The following KIAA0825 variants were observed in gnomAD, a reference collection of about 807,000 sequenced individuals.
KIAA0825 encodes uncharacterized protein KIAA0825.
A neutral mutation model predicts 147.6 loss-of-function variants in KIAA0825; 119 were observed. The ratio of observed to expected loss-of-function variants is 0.81; its 90% CI spans 0.69 to 0.94. The LOEUF is 0.94. KIAA0825 is among the 40% of genes least tolerant of loss of function. KIAA0825 has a pLI of 0.00. For missense variants in KIAA0825, 1,381 were observed against 1,472.7 expected (o/e 0.94, Z 1.02); for synonymous variants, 470 against 518.1 (o/e 0.91, Z 1.26).
intron 15 of KIAA0825, among the ~76,000 whole-genome samples, chr5:94,412,030 T>G (rs1018779705): frequency 5.9e-5 from 9 of 151,916 alleles, no homozygotes; most frequent in Non-Finnish European, 1.0e-4. Flanking sequence ...AATGAAAAAG[T>G]AAGCCATAGA....
chr5:94,566,064 A>G (rs972242384), intron 2 of KIAA0825, among the ~76,000 whole-genome samples: 3 of 152,168 alleles, frequency 2.0e-5, no homozygotes, highest in African/African-American at 7.2e-5. Context: ...ACTTAGTGTA[A>G]TGTCCTCCAG....
At chr5:94,438,883 C>G (rs1205049734) in intron 14 of KIAA0825, among the ~76,000 whole-genome samples, 1 of 152,172 alleles carries the variant, frequency 6.6e-6, no homozygotes, top group Non-Finnish European at 1.5e-5. Context: ...TAAGGCAGTG[C>G]ATGCTAAGGG....
chr5:94,340,946 G>A (rs1782304673), intron 20 of KIAA0825, among the ~76,000 whole-genome samples: 1 of 152,216 alleles, frequency 6.6e-6, no homozygotes, highest in South Asian at 2.1e-4. Context: ...GGTCTTCATA[G>A]ACCTACATAT....
intron 20 of KIAA0825, among the ~76,000 whole-genome samples, chr5:94,161,779 TC>T (rs1300726479): frequency 6.6e-6 from 1 of 152,216 alleles, no homozygotes; most frequent in African/African-American, 2.4e-5. Flanking sequence ...TTTATGAGCC[TC>T]AGGAATGTTT....
chr5:94,293,511 G>C (rs997946305), intron 20 of KIAA0825, among the ~76,000 whole-genome samples: 18 of 152,154 alleles, frequency 1.2e-4, no homozygotes, highest in African/African-American at 4.1e-4. Context: ...TGCATTTGCT[G>C]AGGAGTGTTT....
chr5:94,209,245 T>C (rs1772483547), intron 20 of KIAA0825, among the ~76,000 whole-genome samples: 1 of 152,214 alleles, frequency 6.6e-6, no homozygotes, highest in Non-Finnish European at 1.5e-5. Flanking sequence ...ATGAGCTTTT[T>C]AAAGAAAACC....
chr5:94,225,576 T>A (rs1044853935), intron 20 of KIAA0825, among the ~76,000 whole-genome samples: 1 of 152,336 alleles, frequency 6.6e-6, no homozygotes, highest in Non-Finnish European at 1.5e-5. Flanking sequence ...ATGAGTTTGC[T>A]GTCTCTGCTC....
intron 20 of KIAA0825, among the ~76,000 whole-genome samples, chr5:94,191,113 T>TA (rs1320799190): frequency 6.6e-6 from 1 of 152,220 alleles, no homozygotes; most frequent in Non-Finnish European, 1.5e-5. Flanking sequence ...ATCATTTGCT[T>TA]AAAATCACAT....
chr5:94,532,811 A>T (rs549999275), intron 3 of KIAA0825, among the ~76,000 whole-genome samples: 1 of 149,902 alleles, frequency 6.7e-6, no homozygotes, highest in South Asian at 2.1e-4. Flanking sequence ...TTGAGATTAC[A>T]TCTTTCTTTA....
At chr5:94,276,464 C>A (rs1777226212) in intron 20 of KIAA0825, among the ~76,000 whole-genome samples, 1 of 152,006 alleles carries the variant, frequency 6.6e-6, no homozygotes, top group Non-Finnish European at 1.5e-5. Flanking sequence ...CCATTCATTA[C>A]AAGAAGCCAG....
At chr5:94,497,867 C>T (rs1044168498) in intron 5 of KIAA0825, among the ~76,000 whole-genome samples, 3 of 152,210 alleles carry the variant, frequency 2.0e-5, no homozygotes, top group Non-Finnish European at 4.4e-5. Flanking sequence ...GATTTAGAAA[C>T]CACACTCTGA....
Position 94,618,560 on chromosome 5 carries a change from C to A in KIAA0825, c.-213G>T, listed in dbSNP as rs569457591. The A allele has an allele frequency of 6.5e-6, 1 of 153,914 alleles. No individual in the cohort carries two copies. Among genetic ancestry groups the A allele is most frequent in the African/African-American group, 2.4e-5 (1 of 41,632 alleles). 9.5% of individuals were successfully genotyped at this position (153,914 alleles called of 1,614,324 possible). On this transcript the variant is annotated 5_prime_UTR_variant, in exon 1 of 21. Transcript: ENST00000682413. Reference sequence around the variant, plus strand: ...CTGACCCGCTGGCCAGACTCAAGCTCTGCACCAGGTATTACCACCCTGGCG... The same window carrying A: ...CTGACCCGCTGGCCAGACTCAAGCTATGCACCAGGTATTACCACCCTGGCG...
chr5:94,520,265 C>T lies in KIAA0825; in HGVS notation c.953G>A (p.Gly318Glu), dbSNP rs767760894. 6 of 1,611,532 alleles carry T rather than the reference C, an allele frequency of 3.7e-6. No homozygotes were observed. The African/African-American group carries it at 6.7e-5, about 18-fold the overall frequency. Residue 318 changes from glycine to glutamate, a missense_variant, in exon 5 of 21, where the codon GGA becomes GAA. Physicochemically the swap from Gly to Glu is moderately conservative, Grantham distance 98. Transcript: ENST00000682413. The stretch of plus-strand genomic sequence containing the variant: ...TCACTAACCCAAAGCATGCACTGCT[C>T]CTCTATGCTTGCTGGAGCTCTTGCT... ...KTSKSSSKHR[G>E]AVHALVTTEC...
intron 20 of KIAA0825, among the ~76,000 whole-genome samples, chr5:94,306,949 A>G (rs890878472): frequency 6.6e-6 from 1 of 151,904 alleles, no homozygotes; most frequent in Non-Finnish European, 1.5e-5. Flanking sequence ...ATTCTGGAAT[A>G]GGTACATGAT....
rs542129919 is a variant in KIAA0825, at chr5:94,257,500, C to T, written c.3711-103376G>A. Among the ~76,000 whole-genome samples, 6 of 152,160 alleles carry T rather than the reference C, an allele frequency of 3.9e-5. No individual in the cohort carries two copies. The South Asian group carries it at 1.2e-3, about 32-fold the overall frequency. On this transcript the variant is annotated intron_variant, in intron 20 of 20. Coordinates refer to ENST00000682413, the MANE Select transcript of KIAA0825 (RefSeq NM_001145678.3). ...AGTTCTCAAAAGCAAGTTAATCTTG[C>T]CAAAAATCATTGAAATGTGCTTTAT... is the stretch of plus-strand genomic sequence containing the variant.
At chr5:94,420,983 C>T (rs1754110601) in intron 14 of KIAA0825, among the ~76,000 whole-genome samples, 1 of 152,124 alleles carries the variant, frequency 6.6e-6, no homozygotes, top group African/African-American at 2.4e-5. Flanking sequence ...CCTTTCTTTT[C>T]ACCTACTCCT....
intron 3 of KIAA0825, among the ~76,000 whole-genome samples, chr5:94,536,521 A>G (rs994479832): frequency 1.2e-4 from 18 of 152,234 alleles, no homozygotes; most frequent in Non-Finnish European, 1.5e-5. Context: ...AGTATTTGGT[A>G]ACACGACTTT....
At chr5:94,287,694 T>A (rs1396850026) in intron 20 of KIAA0825, among the ~76,000 whole-genome samples, 2 of 152,170 alleles carry the variant, frequency 1.3e-5, no homozygotes, top group African/African-American at 4.8e-5. Context: ...CCTTTAAACA[T>A]CTTAATAAAT....
At chr5:94,446,966 G>A (rs991421682) in intron 13 of KIAA0825, among the ~76,000 whole-genome samples, 1 of 152,116 alleles carries the variant, frequency 6.6e-6, no homozygotes, top group Non-Finnish European at 1.5e-5. Context: ...ATGAGACTTA[G>A]TAATGGATTT....
Sources: allele counts gnomAD v4.1 joint callset (sites outside exome capture counted in the v4.1 genomes callset), GRCh38; gene constraint gnomAD v4.1.1; transcripts MANE v1.5; gene names NCBI Gene and HGNC (gene_info 2026-07-23, HGNC 2026-07-21).